Variants in DYTN observed in about 807,000 individuals in gnomAD.
DYTN encodes dystrotelin.
A neutral mutation model predicts 69.6 loss-of-function variants in DYTN; 75 were observed. That is an observed-to-expected ratio of 1.08 (90% CI 0.89 to 1.31). DYTN has a LOEUF of 1.31. DYTN is among the 50% of genes most tolerant of loss of function. The pLI, the probability that DYTN is intolerant of heterozygous loss-of-function variation, is 0.00. For synonymous variants in DYTN, 252 were observed against 249.1 expected (o/e 1.01, Z -0.11); for missense variants, 726 against 688.4 (o/e 1.05, Z -0.61).
chr2:206,665,061 G>A lies in DYTN; in HGVS notation c.1140+809C>T, dbSNP rs13416268. Among the ~76,000 whole-genome samples, 404 of 152,214 alleles carry A rather than the reference G, an allele frequency of 2.7e-3. 2 individuals carry two copies. The highest frequency in any genetic ancestry group is 9.4e-3 in the African/African-American group (392 of 41,532). On this transcript the variant is annotated intron_variant, in intron 10 of 11. Transcript: ENST00000452335. Reference sequence around the variant, plus strand: ...GTAGTATTAAAGAGAAGTATGCCTCGGTATCTGAAAGGCTATTAATATACT... The same window carrying A: ...GTAGTATTAAAGAGAAGTATGCCTCAGTATCTGAAAGGCTATTAATATACT...
At chr2:206,674,501 G>A (rs1574591575) in intron 9 of DYTN, among the ~76,000 whole-genome samples, 1 of 152,026 alleles carries the variant, frequency 6.6e-6, no homozygotes, top group East Asian at 1.9e-4. Flanking sequence ...ATTAGCAATT[G>A]TTAAAGAAAT....
chr2:206,665,802 C>G, intron 10 of DYTN, 68 bp downstream of exon 10: 1 of 1,562,054 alleles, frequency 6.4e-7, no homozygotes, highest in Non-Finnish European at 8.7e-7. Context: ...AAGCTCCTCC[C>G]TTGGCTGAAG....
intron 9 of DYTN, among the ~76,000 whole-genome samples, chr2:206,691,738 C>T (rs1187559595): frequency 6.6e-6 from 1 of 152,052 alleles, no homozygotes; most frequent in African/African-American, 2.4e-5. Flanking sequence ...ATTGTGAGGT[C>T]ATTGTGTACT....
intron 7 of DYTN, among the ~76,000 whole-genome samples, chr2:206,696,146 C>T (rs751351170): frequency 2.6e-5 from 4 of 152,126 alleles, no homozygotes; most frequent in Non-Finnish European, 4.4e-5. Flanking sequence ...GAAAGTGAGG[C>T]TCATGCTATA....
In DYTN at chr2:206,717,043, A is replaced by AACACACACACACAC. The variant is rs71852382; in HGVS notation, c.19+1204_19+1217dup. Among the ~76,000 whole-genome samples the AACACACACACACAC allele has an allele frequency of 3.1e-3, 449 of 143,804 alleles. 3 individuals are homozygous for AACACACACACACAC. Among genetic ancestry groups the AACACACACACACAC allele is most frequent in the African/African-American group, 0.01 (394 of 38,704 alleles). 94.3% of individuals were successfully genotyped at this position (143,804 alleles called of 152,430 possible). On this transcript the variant is annotated intron_variant, in intron 1 of 11. Coordinates refer to ENST00000452335, the MANE Select transcript of DYTN (RefSeq NM_001093730.1). ...TTTACATTTTTTTTCTGCCGATGCA[A>AACACACACACACAC]ACACACACACACACACACACACACA...
intron 9 of DYTN, among the ~76,000 whole-genome samples, chr2:206,683,763 T>C (rs1444809029): frequency 6.6e-6 from 1 of 152,088 alleles, no homozygotes; most frequent in Non-Finnish European, 1.5e-5. Context: ...ACCAACCTAA[T>C]ACCAAGCATG....
At chr2:206,694,584 T>C (rs1699899642) in intron 8 of DYTN, among the ~76,000 whole-genome samples, 182 bp downstream of exon 8, 1 of 152,176 alleles carries the variant, frequency 6.6e-6, no homozygotes, top group South Asian at 2.1e-4. Context: ...ACATACAATG[T>C]GAAGAAATCA....
intron 9 of DYTN, among the ~76,000 whole-genome samples, chr2:206,684,407 C>T (rs1191272804): frequency 2.0e-5 from 3 of 152,130 alleles, no homozygotes; most frequent in East Asian, 1.9e-4. Context: ...TGGACTCCAG[C>T]GATCCTCCTA....
At position 206,707,455 on chromosome 2, in the gene DYTN, C is replaced by T; in HGVS notation, c.143G>A (p.Ser48Asn). Residue 48 changes from serine (S) to asparagine (N), a missense_variant, in exon 3 of 12, where the codon AGT (serine) becomes AAT (asparagine). By Grantham distance (46) the Ser-to-Asn change is conservative. Coordinates refer to ENST00000452335, the MANE Select transcript of DYTN (RefSeq NM_001093730.1). The part of the protein sequence containing the change: ...SLIQQVLLRP[S>N]FWEARKHSLS... ...GGAGTGCTTGCGAGCTTCCCAGAAA[C>T]TTGGACGCAGTAGGACCTGCTGAAT... The T allele has an allele frequency of 2.5e-6, 4 of 1,612,696 alleles. No individual in the cohort carries two copies. The highest frequency in any genetic ancestry group is 3.4e-6 in the Non-Finnish European group (4 of 1,179,482).
At chr2:206,685,377 G>A (rs1331945992) in intron 9 of DYTN, among the ~76,000 whole-genome samples, 1 of 151,728 alleles carries the variant, frequency 6.6e-6, no homozygotes, top group East Asian at 1.9e-4. Flanking sequence ...TGCCCAGGCT[G>A]GTCTCGAACT....
At chr2:206,691,692 A>T (rs1382736756) in intron 9 of DYTN, among the ~76,000 whole-genome samples, 1 of 152,200 alleles carries the variant, frequency 6.6e-6, no homozygotes, top group Non-Finnish European at 1.5e-5. Context: ...ACAACCTGAT[A>T]GGTAAATGTG....
chr2:206,692,893 AT>A (rs1279938690), intron 9 of DYTN, among the ~76,000 whole-genome samples: 1 of 152,178 alleles, frequency 6.6e-6, no homozygotes, highest in African/African-American at 2.4e-5. Flanking sequence ...AGTTATTCAA[AT>A]ATTCTAATAT....
At chr2:206,675,650 A>G (rs1459559719) in intron 9 of DYTN, among the ~76,000 whole-genome samples, 2 of 152,194 alleles carry the variant, frequency 1.3e-5, no homozygotes, top group Non-Finnish European at 2.9e-5. Context: ...ACATCAACAT[A>G]TAGGTTTAAT....
At chr2:206,688,970 G>T (rs563955833) in intron 9 of DYTN, among the ~76,000 whole-genome samples, 3 of 152,206 alleles carry the variant, frequency 2.0e-5, no homozygotes, top group African/African-American at 7.2e-5. Context: ...ATCATTTGAA[G>T]CCTATTAATT....
Position 206,707,330 on chromosome 2 carries a change from G to C in DYTN, c.268C>G (p.Leu90Val). The C allele has an allele frequency of 6.2e-7, 1 of 1,612,544 alleles. No individual in the cohort carries two copies. Among genetic ancestry groups the C allele is most frequent in the Non-Finnish European group, 8.5e-7 (1 of 1,179,464 alleles). Residue 90 changes from leucine to valine, a missense_variant, in exon 3 of 12, where the codon CTG (leucine) becomes GTG (valine). Leu to Val is a conservative substitution (Grantham distance 32, BLOSUM62 1). Coordinates refer to ENST00000452335, the MANE Select transcript of DYTN (RefSeq NM_001093730.1). ...TTGTACATTGTCGTGAGAAGGCTCA[G>C]AGTGAGTTCCGGAGCTCTGGGATGC... ...QVHPRAPELTLSLLTTMYNSK... is the reference protein window; with the variant it reads ...QVHPRAPELTVSLLTTMYNSK...
At chr2:206,679,520 T>C (rs190009176) in intron 9 of DYTN, among the ~76,000 whole-genome samples, 3 of 152,332 alleles carry the variant, frequency 2.0e-5, no homozygotes, top group East Asian at 3.9e-4. Flanking sequence ...ACGTCAAATC[T>C]GAAAGAACAT....
At chr2:206,655,155 C>A (rs1008933817) in intron 11 of DYTN, among the ~76,000 whole-genome samples, 30 of 151,276 alleles carry the variant, frequency 2.0e-4, no homozygotes, top group Middle Eastern at 6.8e-3. Context: ...GAGATAATTT[C>A]TTTCTATTCC....
intron 9 of DYTN, chr2:206,687,373 T>G (rs1269334889): frequency 6.6e-6 from 1 of 152,420 alleles, no homozygotes; most frequent in Admixed American, 6.5e-5. Flanking sequence ...CTGTTTTGAA[T>G]TCTCCACAGC....
In DYTN at chr2:206,662,923, A is replaced by T; in HGVS notation, c.1613T>A (p.Phe538Tyr). Reference protein sequence around the residue: ...QELLSKLMDAFNLETPSGPES... With the variant: ...QELLSKLMDAYNLETPSGPES... ...CTTACCTGATGGCGTTTCTAGATTG[A>T]AGGCATCCATAAGTTTTGACAATAG... Residue 538 changes from phenylalanine to tyrosine, a missense_variant, in exon 11 of 12, where the codon TTC becomes TAC. Phe to Tyr is a conservative substitution (Grantham distance 22, BLOSUM62 3). Coordinates refer to ENST00000452335, the MANE Select transcript of DYTN (RefSeq NM_001093730.1). 6.2e-7 allele frequency: 1 copy of T among 1,613,074 alleles called. No homozygotes were observed. The highest frequency in any genetic ancestry group is 1.3e-5 in the African/African-American group (1 of 74,842).
Sources: allele counts gnomAD v4.1 joint callset (sites outside exome capture counted in the v4.1 genomes callset), GRCh38; gene constraint gnomAD v4.1.1; transcripts MANE v1.5; gene names NCBI Gene and HGNC (gene_info 2026-07-23, HGNC 2026-07-21).